The following USP34 variants were observed in gnomAD, a reference collection of about 807,000 sequenced individuals.
The protein encoded by USP34 is ubiquitin carboxyl-terminal hydrolase 34.
USP34 carries 70 observed loss-of-function variants against 460.3 expected under a neutral mutation model. The observed-to-expected ratio is 0.15, with a 90% CI of 0.13 to 0.19. USP34 has a LOEUF of 0.19. Ranked by LOEUF, USP34 falls within the 10% of genes least tolerant of loss-of-function variation. The pLI is 1.00. For synonymous variants in USP34, 1,647 were observed against 1,405.3 expected (o/e 1.17, Z -3.85); for missense variants, 3,985 against 4,236.2 (o/e 0.94, Z 1.65).
At chr2:61,267,683 G>A (rs895048272) in intron 41 of USP34, among the ~76,000 whole-genome samples, 6 of 152,052 alleles carry the variant, frequency 3.9e-5, no homozygotes, top group East Asian at 3.9e-4. Context: ...GCGCCATCTC[G>A]GCTCACCCCA....
At chr2:61,298,445 G>C (rs1343398133) in intron 29 of USP34, among the ~76,000 whole-genome samples, 1 of 139,996 alleles carries the variant, frequency 7.1e-6, no homozygotes, top group East Asian at 2.2e-4. Context: ...GGCTGAGGCA[G>C]GAGAATGACT....
intron 20 of USP34, among the ~76,000 whole-genome samples, chr2:61,328,362 T>A (rs943682519): frequency 6.7e-6 from 1 of 149,576 alleles, no homozygotes; most frequent in African/African-American, 2.5e-5. Flanking sequence ...AATTACAAAA[T>A]GAAAAAATAA....
chr2:61,315,809 A>C (rs957553833), intron 23 of USP34, among the ~76,000 whole-genome samples: 1 of 152,208 alleles, frequency 6.6e-6, no homozygotes, highest in South Asian at 2.1e-4. Context: ...ATTGGCAGCT[A>C]AACAACTTTA....
intron 3 of USP34, among the ~76,000 whole-genome samples, chr2:61,401,315 T>C (rs1693711918): frequency 6.6e-6 from 1 of 151,802 alleles, no homozygotes; most frequent in Non-Finnish European, 1.5e-5. Context: ...CATAACTCAC[T>C]GCAGCTTTGA....
At chr2:61,407,835 C>T (rs565512877) in intron 2 of USP34, among the ~76,000 whole-genome samples, 9 of 152,164 alleles carry the variant, frequency 5.9e-5, no homozygotes, top group Non-Finnish European at 1.3e-4. Context: ...AGCACTGAGG[C>T]TGGGTGTGGT....
At chr2:61,284,789 T>A in intron 35 of USP34, 86 bp downstream of exon 35, 1 of 1,103,340 alleles carries the variant, frequency 9.1e-7, no homozygotes. Flanking sequence ...ATTTTTCTAT[T>A]AAGTTTAGAA....
chr2:61,385,529 G>A (rs553514757), intron 5 of USP34, among the ~76,000 whole-genome samples: 17 of 151,612 alleles, frequency 1.1e-4, no homozygotes, highest in South Asian at 2.1e-4. Flanking sequence ...AAACTTAGCC[G>A]GACGTGGTGG....
intron 2 of USP34, among the ~76,000 whole-genome samples, chr2:61,417,804 T>C (rs988950743): frequency 3.5e-5 from 5 of 144,916 alleles, no homozygotes; most frequent in African/African-American, 1.3e-4. Flanking sequence ...TACAGTGGCG[T>C]GATCTCAGCT....
chr2:61,315,433 C>T (rs113031602), intron 23 of USP34, among the ~76,000 whole-genome samples: 119 of 151,434 alleles, frequency 7.9e-4, no homozygotes, highest in African/African-American at 2.5e-3. Context: ...AGTGCAGTGG[C>T]GCAATCTTGG....
chr2:61,315,302 A>G (rs1243157390), intron 23 of USP34, among the ~76,000 whole-genome samples: 1 of 152,162 alleles, frequency 6.6e-6, no homozygotes, highest in Non-Finnish European at 1.5e-5. Context: ...CATCCAACCT[A>G]AACTGAGAAA....
In USP34 at chr2:61,281,152, G is replaced by A; in HGVS notation, c.5089C>T (p.Leu1697=). ...GGDSINRSFL[L]LAASTLLKFL... ...TTCAATAATGTTGAGGCAGCCAATAGCAGAAAAGAACGATTGATTGAGTCT... is the reference window on the plus strand; with the variant it reads ...TTCAATAATGTTGAGGCAGCCAATAACAGAAAAGAACGATTGATTGAGTCT... Residue 1697 remains leucine (L), a synonymous_variant, in exon 38 of 80, where the codon CTA becomes TTA. Transcript: ENST00000398571. 6.2e-7 allele frequency: 1 copy of A among 1,613,928 alleles called. No individual in the cohort carries two copies. The highest frequency in any genetic ancestry group is 8.5e-7 in the Non-Finnish European group (1 of 1,179,906).
chr2:61,333,791 A>T, intron 19 of USP34, 91 bp downstream of exon 19: 1 of 850,668 alleles, frequency 1.2e-6, no homozygotes, highest in Non-Finnish European at 1.7e-6. Flanking sequence ...CCTGGTACAG[A>T]GTAAAAGCTT....
intron 10 of USP34, among the ~76,000 whole-genome samples, chr2:61,360,885 G>A (rs552720362): frequency 2.2e-4 from 33 of 152,292 alleles, no homozygotes; most frequent in Admixed American, 5.9e-4. Flanking sequence ...TCGAACTTCT[G>A]AGCTCAAGCT....
At position 61,278,214 on chromosome 2, in the gene USP34, G is replaced by A; in HGVS notation, c.5384C>T (p.Thr1795Ile). The change falls in exon 41 of 80, where the codon ACA (threonine) becomes ATA (isoleucine). Residue 1795 changes from threonine to isoleucine, a missense_variant. Thr to Ile is a moderately conservative substitution (Grantham distance 89). This residue lies in a region of USP34 where 1,114 missense variants were observed against 1,122.5 expected (regional missense o/e 0.99). Transcript: ENST00000398571. ...GGGTGGTTTGTGTTTAACAACACTT[G>A]TTGCAAGCCTTAGGAGTCCTGTAAG... ...DGLTGLLRLA[T>I]SVVKHKPPFK... 1 of 1,613,612 alleles carries A rather than the reference G, an allele frequency of 6.2e-7. No homozygotes were observed. The highest frequency in any genetic ancestry group is 1.1e-5 in the South Asian group (1 of 90,994).
chr2:61,285,931 G>T (rs1310722997), intron 34 of USP34, among the ~76,000 whole-genome samples: 4 of 152,142 alleles, frequency 2.6e-5, no homozygotes, highest in African/African-American at 9.7e-5. Flanking sequence ...TATTCTGCAG[G>T]TTGGAAGGCA....
intron 22 of USP34, 56 bp from the exon 23 acceptor site, chr2:61,317,823 T>C (rs1275642193): frequency 7.6e-7 from 1 of 1,309,662 alleles, no homozygotes; most frequent in Non-Finnish European, 1.1e-6. Flanking sequence ...TTCACAGATT[T>C]TATTAAATTT....
At chr2:61,356,652 C>T (rs1044801162) in intron 10 of USP34, among the ~76,000 whole-genome samples, 3 of 152,080 alleles carry the variant, frequency 2.0e-5, no homozygotes, top group South Asian at 2.1e-4. Context: ...TATCAGAAAC[C>T]TAGACTACTC....
At chr2:61,211,953 T>TG (rs1225496214) in intron 68 of USP34, 24 bp from the exon 69 acceptor site, 2 of 1,592,188 alleles carry the variant, frequency 1.3e-6, no homozygotes, top group South Asian at 2.3e-5. Context: ...ATAAGCCATA[T>TG]GATCTTTTAA....
intron 1 of USP34, among the ~76,000 whole-genome samples, chr2:61,469,385 T>C (rs1695879879): frequency 6.6e-6 from 1 of 152,182 alleles, no homozygotes; most frequent in Admixed American, 6.6e-5. Flanking sequence ...GTAAACCGCC[T>C]GCGCCAGAAA....
Sources: allele counts gnomAD v4.1 joint callset (sites outside exome capture counted in the v4.1 genomes callset), GRCh38; gene constraint gnomAD v4.1.1; regional missense constraint gnomAD v4.1.1; transcripts MANE v1.5; gene names NCBI Gene and HGNC (gene_info 2026-07-23, HGNC 2026-07-21).